The following ATP1B3 variants were observed in gnomAD, a reference collection of about 807,000 sequenced individuals.
ATP1B3 encodes the protein sodium/potassium-transporting ATPase subunit beta-3.
In ATP1B3, 10 loss-of-function variants were observed where a neutral mutation model predicts 30.2. That is an observed-to-expected ratio of 0.33 (90% CI 0.20 to 0.56). The LOEUF is 0.56. Ranked by LOEUF, ATP1B3 falls within the 20% of genes least tolerant of loss-of-function variation. ATP1B3 has a pLI of 0.90. For synonymous variants in ATP1B3, 113 were observed against 117.0 expected (o/e 0.97, Z 0.22); for missense variants, 238 against 336.7 (o/e 0.71, Z 2.29).
At chr3:141,912,837 TC>T (rs909428075) in intron 3 of ATP1B3, among the ~76,000 whole-genome samples, 3 of 152,188 alleles carry the variant, frequency 2.0e-5, no homozygotes, top group Non-Finnish European at 2.9e-5. Flanking sequence ...ACCATTTTAC[TC>T]CTTTATCACT....
Position 141,876,780 on chromosome 3 carries a change from T to C in ATP1B3, c.-22T>C, listed in dbSNP as rs762832404. On this transcript the variant is annotated 5_prime_UTR_variant, in exon 1 of 7. Coordinates refer to ENST00000286371, the MANE Select transcript of ATP1B3 (RefSeq NM_001679.4). ...CCTCCATCCCCGCGGCCGCAGCTCC[T>C]CTCGCCGTCCGCGCGCACACCATGA... 1.7e-5 allele frequency: 27 copies of C among 1,580,330 alleles called. No homozygotes were observed. Among genetic ancestry groups the C allele is most frequent in the East Asian group, 2.4e-5 (1 of 42,046 alleles).
At chr3:141,917,771 A>ATT (rs751369430) in intron 5 of ATP1B3, among the ~76,000 whole-genome samples, 3 of 141,010 alleles carry the variant, frequency 2.1e-5, no homozygotes, top group African/African-American at 5.2e-5. Flanking sequence ...ATTTTATTTT[A>ATT]TTTTTTTTTT....
chr3:141,917,999 A>C (rs1484129685), intron 5 of ATP1B3, among the ~76,000 whole-genome samples: 1 of 151,602 alleles, frequency 6.6e-6, no homozygotes, highest in Non-Finnish European at 1.5e-5. Context: ...TGATCTCCTG[A>C]CCTCGTGATC....
chr3:141,878,597 C>T (rs977607152), intron 1 of ATP1B3, among the ~76,000 whole-genome samples: 16 of 152,082 alleles, frequency 1.1e-4, no homozygotes, highest in African/African-American at 3.9e-4. Flanking sequence ...TATTGTATGA[C>T]CTAGGGTAGA....
chr3:141,902,825 T>C (rs939694670), intron 1 of ATP1B3: 3 of 152,706 alleles, frequency 2.0e-5, no homozygotes, highest in African/African-American at 4.8e-5. Flanking sequence ...TCCTAAACTT[T>C]ATTCATTGAG....
chr3:141,889,070 G>GGA (rs10575911), intron 1 of ATP1B3, among the ~76,000 whole-genome samples: 3 of 151,604 alleles, frequency 2.0e-5, no homozygotes, highest in African/African-American at 4.9e-5. Flanking sequence ...CATGGTGGCA[G>GGA]GAGAGAGAGA....
Position 141,913,643 on chromosome 3 carries a change from C to T in ATP1B3, c.347-9C>T. ...GCTGATCTAGCACACATATATGTTT[C>T]CTTTTTAGCATATACTTTAGAAGAA... On this transcript the variant is annotated splice_polypyrimidine_tract_variant and intron_variant, in intron 3 of 6. Coordinates refer to ENST00000286371, the MANE Select transcript of ATP1B3 (RefSeq NM_001679.4). 1.2e-6 allele frequency: 2 copies of T among 1,605,354 alleles called. No homozygotes were observed. Among genetic ancestry groups the T allele is most frequent in the South Asian group, 1.1e-5 (1 of 89,588 alleles).
At chr3:141,907,537 A>T (rs1401032512) in intron 3 of ATP1B3, among the ~76,000 whole-genome samples, 1 of 152,054 alleles carries the variant, frequency 6.6e-6, no homozygotes, top group Non-Finnish European at 1.5e-5. Flanking sequence ...GCTACTCGGG[A>T]GGCTGAGGCA....
chr3:141,925,029 A>G (rs1934631510), intron 6 of ATP1B3, among the ~76,000 whole-genome samples: 1 of 152,024 alleles, frequency 6.6e-6, no homozygotes, highest in Admixed American at 6.5e-5. Flanking sequence ...TTCTGGGAGG[A>G]CAAGGCAAGA....
rs144164126 is a variant in ATP1B3, at chr3:141,886,393, C to T, written c.109+9483C>T. 1.3e-4 allele frequency among the ~76,000 whole-genome samples: 20 copies of T among 152,298 alleles called. No individual in the cohort carries two copies. In the East Asian group the frequency reaches 3.9e-3, roughly 29 times the overall value. On this transcript the variant is annotated intron_variant, in intron 1 of 6. Transcript: ENST00000286371. ...TGCCATAAGCCTTCTCTGATATGCTCAGGTGGAAATAATACCACTTATTTC... is the reference window on the plus strand; with the variant it reads ...TGCCATAAGCCTTCTCTGATATGCTTAGGTGGAAATAATACCACTTATTTC...
chr3:141,910,098 A>C (rs1487547996), intron 3 of ATP1B3, among the ~76,000 whole-genome samples: 1 of 151,996 alleles, frequency 6.6e-6, no homozygotes, highest in Non-Finnish European at 1.5e-5. Flanking sequence ...CAGCCTCTTG[A>C]GTAGTTAGGA....
intron 1 of ATP1B3, among the ~76,000 whole-genome samples, chr3:141,889,830 C>CAT (rs71153925): frequency 0.11 from 15,721 of 136,986 alleles, 1,240 homozygotes; most frequent in East Asian, 0.41. Context: ...TATACATATA[C>CAT]ATATATATAT....
Position 141,926,027 on chromosome 3 carries a change from T to C in ATP1B3, c.*326T>C, listed in dbSNP as rs1257882660. The C allele has an allele frequency of 4.6e-6, 1 of 217,528 alleles. No homozygotes were observed. Among genetic ancestry groups the C allele is most frequent in the African/African-American group, 2.3e-5 (1 of 43,798 alleles). 13.5% of individuals were successfully genotyped at this position (217,528 alleles called of 1,614,324 possible). A position where few individuals can be genotyped will look rare whatever the true frequency, so the allele number is the denominator to read the frequency against. ...GTCTAAAGCTTAATATGCCGTGCTA[T>C]GTAAATATTTTATGGATATAACAAC... On this transcript the variant is annotated 3_prime_UTR_variant, in exon 7 of 7. Coordinates refer to ENST00000286371, the MANE Select transcript of ATP1B3 (RefSeq NM_001679.4).
intron 1 of ATP1B3, among the ~76,000 whole-genome samples, chr3:141,890,233 C>T (rs1933919579): frequency 6.9e-6 from 1 of 143,912 alleles, no homozygotes; most frequent in South Asian, 2.2e-4. Context: ...CCTGTGTATG[C>T]CACCACACCT....
intron 1 of ATP1B3, among the ~76,000 whole-genome samples, chr3:141,878,990 A>C (rs1277463990): frequency 1.3e-5 from 2 of 152,210 alleles, no homozygotes; most frequent in East Asian, 1.9e-4. Context: ...TTGCAAAGGC[A>C]GGATCAGTTT....
intron 1 of ATP1B3, among the ~76,000 whole-genome samples, chr3:141,890,086 C>CTTTTTTTTTTTTTTTTTT (rs1245235657): frequency 1.9e-5 from 2 of 107,550 alleles, no homozygotes; most frequent in Non-Finnish European, 1.8e-5. Context: ...AATTTTTTTT[C>CTTTTTTTTTTTTTTTTTT]TTTTTTTTTT....
intron 1 of ATP1B3, 90 bp downstream of exon 1, chr3:141,877,000 C>G: frequency 1.9e-6 from 2 of 1,042,254 alleles, no homozygotes; most frequent in Non-Finnish European, 2.6e-6. Flanking sequence ...CGGGAGGCGG[C>G]TCCCAGCGCC....
At chr3:141,914,150 T>A (rs1239140662) in intron 4 of ATP1B3, among the ~76,000 whole-genome samples, 1 of 152,232 alleles carries the variant, frequency 6.6e-6, no homozygotes, top group Non-Finnish European at 1.5e-5. Flanking sequence ...CTCCTTGTCA[T>A]AACCAAAGCA....
At chr3:141,900,030 CA>C (rs1333753063) in intron 1 of ATP1B3, among the ~76,000 whole-genome samples, 3 of 150,104 alleles carry the variant, frequency 2.0e-5, no homozygotes, top group Non-Finnish European at 4.4e-5. Context: ...GACCCTGTCT[CA>C]AAAAAAAAAT....
Sources: gnomAD v4.1 joint callset for allele counts (sites outside exome capture counted in the v4.1 genomes callset) on GRCh38, gnomAD v4.1.1 for gene constraint, MANE v1.5 for transcripts, NCBI Gene and HGNC (gene_info 2026-07-23, HGNC 2026-07-21) for gene names.